The following MYBPC2 variants were observed in gnomAD, a reference collection of about 807,000 sequenced individuals.
MYBPC2 encodes myosin-binding protein C, fast-type.
MYBPC2 carries 122 observed loss-of-function variants against 137.0 expected under a neutral mutation model. The observed-to-expected ratio is 0.89, with a 90% confidence interval of 0.77 to 1.03. The LOEUF is 1.03. Ranked by LOEUF, MYBPC2 falls within the 50% of genes least tolerant of loss-of-function variation. The pLI, the probability that MYBPC2 is intolerant of heterozygous loss-of-function variation, is 0.00. For synonymous variants in MYBPC2, 626 were observed against 612.3 expected, an observed-to-expected ratio of 1.02 and a Z score of -0.33; for missense variants, 1,500 against 1,534.4, an observed-to-expected ratio of 0.98 and a Z score of 0.37.
intron 16 of MYBPC2, among the ~76,000 whole-genome samples, chr19:50,453,730 G>A (rs1315122080): frequency 1.3e-5 from 2 of 152,102 alleles, no homozygotes; most frequent in Admixed American, 1.3e-4. Context: ...AGTAGAGATG[G>A]GGTTTCACCA....
At chr19:50,464,248 C>T (rs1267117423) in intron 26 of MYBPC2, 98 bp from the exon 27 acceptor site, 2 of 1,096,126 alleles carry the variant, frequency 1.8e-6, no homozygotes, top group African/African-American at 1.6e-5. Context: ...AAGAGGGTGG[C>T]AGAGCCTAGA....
At chr19:50,434,558 A>G (rs544957754) in intron 1 of MYBPC2, among the ~76,000 whole-genome samples, 119 of 152,184 alleles carry the variant, frequency 7.8e-4, no homozygotes, top group African/African-American at 2.6e-3. Flanking sequence ...TCATGCAGGG[A>G]ATGGGGTCCT....
chr19:50,452,877 T>C (rs769617880), intron 16 of MYBPC2, among the ~76,000 whole-genome samples: 13 of 151,704 alleles, frequency 8.6e-5, no homozygotes, highest in Non-Finnish European at 2.9e-5. Context: ...TATTCCTCTA[T>C]CCATCCGTCC....
chr19:50,450,804 C>A (rs1568663784), intron 13 of MYBPC2, 25 bp from the exon 14 acceptor site: 1 of 1,543,246 alleles, frequency 6.5e-7, no homozygotes, highest in Non-Finnish European at 8.8e-7. Context: ...TGGTTCGAGC[C>A]CTACCCTGCT....
At chr19:50,456,653 G>A (rs61074921) in intron 20 of MYBPC2, among the ~76,000 whole-genome samples, 6,608 of 151,944 alleles carry the variant, frequency 0.043, 196 homozygotes, top group East Asian at 0.11. Context: ...AGCCAGGATG[G>A]TCTTGATCTT....
Position 50,462,044 on chromosome 19 carries a change from G to A in MYBPC2, c.3228+8G>A, listed in dbSNP as rs2039977537. 1 of 1,570,740 alleles carries A rather than the reference G, an allele frequency of 6.4e-7. No individual in the cohort carries two copies. The highest frequency in any genetic ancestry group is 1.4e-5 in the African/African-American group (1 of 74,024). On this transcript the variant is annotated splice_region_variant and intron_variant, in intron 26 of 27. Transcript: ENST00000357701. Reference sequence around the variant, plus strand: ...GTCAGAGGCCACCCGAAGGTGCCAGGGCAGGGACCCAGATCTGCGTGTGTG... The same window carrying A: ...GTCAGAGGCCACCCGAAGGTGCCAGAGCAGGGACCCAGATCTGCGTGTGTG...
At chr19:50,442,513 G>A (rs570064178) in intron 9 of MYBPC2, among the ~76,000 whole-genome samples, 200 bp downstream of exon 9, 20 of 152,190 alleles carry the variant, frequency 1.3e-4, no homozygotes, top group African/African-American at 4.1e-4. Flanking sequence ...TCAGGGGTTC[G>A]AGACCAGCCT....
intron 1 of MYBPC2, 134 bp downstream of exon 1, chr19:50,433,106 CGGGA>C: frequency 8.6e-7 from 1 of 1,159,410 alleles, no homozygotes; most frequent in Non-Finnish European, 1.2e-6. Flanking sequence ...CTTTGCTGTG[CGGGA>C]TGGGGGTTCC....
intron 12 of MYBPC2, 28 bp from the exon 13 acceptor site, chr19:50,448,197 G>A (rs765058664): frequency 1.7e-5 from 28 of 1,601,722 alleles, no homozygotes; most frequent in African/African-American, 2.7e-5. Flanking sequence ...GAGTAGTGAC[G>A]GCTCCTTGTC....
Position 50,466,151 on chromosome 19 carries a change from G to A in MYBPC2, c.3416-44G>A, listed in dbSNP as rs945358554. 1 of 1,612,852 alleles carries A rather than the reference G, an allele frequency of 6.2e-7. No homozygotes were observed. ...TCCTCCTCCTGGGGCTTCAGGAGGAGGCGTGCCCGGGCCTGGCTCACCCGC... is the reference window on the plus strand; with the variant it reads ...TCCTCCTCCTGGGGCTTCAGGAGGAAGCGTGCCCGGGCCTGGCTCACCCGC... On this transcript the variant is annotated intron_variant, in intron 27 of 27. Transcript: ENST00000357701. This position sits in a 1 kb window ranked among gnomAD's most constrained non-coding sequence, Gnocchi z 4.9.
chr19:50,451,809 T>C (rs1212054425), intron 15 of MYBPC2, 55 bp from the exon 16 acceptor site: 5 of 1,558,554 alleles, frequency 3.2e-6, no homozygotes, highest in African/African-American at 2.7e-5. Context: ...TTGTGGGAAC[T>C]GGGAAGGCCC....
chr19:50,451,916 T>C lies in MYBPC2; in HGVS notation c.1662T>C (p.Ile554=). The part of the protein sequence containing the change: ...DCSGKTSENA[I]VVVAGNKLRL... ...CGGGGAAGACCTCAGAGAATGCGAT[T>C]GTGGTTGTGGCTGGAAACAAGCTGA... Residue 554 remains isoleucine (I), a synonymous_variant, in exon 16 of 28, where the codon ATT becomes ATC. Transcript: ENST00000357701. 4 of 1,583,424 alleles carry C rather than the reference T, an allele frequency of 2.5e-6. No homozygotes were observed. The highest frequency in any genetic ancestry group is 1.2e-5 in the South Asian group (1 of 86,326).
At position 50,455,454 on chromosome 19, in the gene MYBPC2, C is replaced by G. The variant is rs577437185; in HGVS notation, c.2204-56C>G. ...TTCTACCTCTGACTCCTGCCCCTTC[C>G]TGCTGACCCCTGACCCCTCATTCCC... is the stretch of plus-strand genomic sequence containing the variant. On this transcript the variant is annotated intron_variant, in intron 19 of 27. Coordinates refer to ENST00000357701, the MANE Select transcript of MYBPC2 (RefSeq NM_004533.4). 1.1e-5 allele frequency: 18 copies of G among 1,586,154 alleles called. No individual in the cohort carries two copies. The South Asian group carries it at 1.7e-4, about 15-fold the overall frequency.
rs2039863491 is a variant in MYBPC2, at chr19:50,451,998, G to A, written c.1744G>A (p.Asp582Asn). 1 of 1,552,322 alleles carries A rather than the reference G, an allele frequency of 6.4e-7. No homozygotes were observed. The highest frequency in any genetic ancestry group is 8.7e-7 in the Non-Finnish European group (1 of 1,147,190). ...PPPVATWLKG[D>N]EVFTTTEGRT... ...TCCCGTCGCTACCTGGCTGAAGGGA[G>A]ATGAGGTGGGTTGGGGCCGCCCCTC... is the stretch of plus-strand genomic sequence containing the variant. Residue 582 changes from aspartate (D) to asparagine (N), a missense_variant, in exon 16 of 28, where the codon GAT becomes AAT. Physicochemically the swap from Asp to Asn is conservative, Grantham distance 23 (BLOSUM62 1). Transcript: ENST00000357701.
At chr19:50,440,844 T>C in intron 7 of MYBPC2, 36 bp from the exon 8 acceptor site, 1 of 1,580,966 alleles carries the variant, frequency 6.3e-7, no homozygotes, top group Non-Finnish European at 8.6e-7. Flanking sequence ...CCTTCCTCAC[T>C]CCCTGATGGC....
At chr19:50,464,647 T>TCCTCCCAGAGGG in intron 27 of MYBPC2, 115 bp downstream of exon 27, 1 of 1,202,960 alleles carries the variant, frequency 8.3e-7, no homozygotes, top group Non-Finnish European at 1.1e-6. Flanking sequence ...AGACCAGCCC[T>TCCTCCCAGAGGG]CTGGGAGGAG....
intron 26 of MYBPC2, among the ~76,000 whole-genome samples, chr19:50,462,749 G>A (rs544520878): frequency 6.6e-6 from 1 of 151,766 alleles, no homozygotes; most frequent in Admixed American, 6.6e-5. Flanking sequence ...GCTAAATTTT[G>A]TATTTTTAGT....
rs2039762332 is a variant in MYBPC2 at position 50,442,205 on chromosome 19, C to T, written c.794C>T (p.Ala265Val). Residue 265 changes from alanine (A) to valine (V), a missense_variant, in exon 9 of 28, where the codon GCC becomes GTC. Transcript: ENST00000357701. ...GCATTCACAAAGAAGCTGGATCCAG[C>T]CTACCAAGTGGACAGAGGCAACAAG... Reference protein sequence around the residue: ...SAAFTKKLDPAYQVDRGNKIK... With the variant: ...SAAFTKKLDPVYQVDRGNKIK... The T allele has an allele frequency of 6.3e-7, 1 of 1,598,078 alleles. No individual in the cohort carries two copies. The highest frequency in any genetic ancestry group is 1.3e-5 in the African/African-American group (1 of 74,638).
intron 13 of MYBPC2, among the ~76,000 whole-genome samples, chr19:50,449,823 T>C (rs2039840037): frequency 1.3e-5 from 2 of 152,150 alleles, no homozygotes; most frequent in African/African-American, 2.4e-5. Flanking sequence ...GTTTTCCCTG[T>C]GTTCTGTGTA....
Sources: allele counts gnomAD v4.1 joint callset (sites outside exome capture counted in the v4.1 genomes callset), GRCh38; gene constraint gnomAD v4.1.1; non-coding constraint Gnocchi (gnomAD v3.1); transcripts MANE v1.5; gene names NCBI Gene and HGNC (gene_info 2026-07-23, HGNC 2026-07-21).